ALG13: variants seen among roughly 807,000 people sequenced by gnomAD.
ALG13 encodes ALG13 UDP-N-acetylglucosaminyltransferase subunit, also known as UDP-N-acetylglucosamine transferase subunit ALG13.
In ALG13, 11 loss-of-function variants were observed where a neutral mutation model predicts 87.8. The observed-to-expected ratio is 0.13, with a 90% CI of 0.08 to 0.21. The LOEUF is 0.21. ALG13 is among the 10% of genes least tolerant of loss of function. The pLI is 1.00. For synonymous variants in ALG13, 320 were observed against 306.3 expected, an observed-to-expected ratio of 1.04 and a Z score of -0.47; for missense variants, 756 against 866.1, an observed-to-expected ratio of 0.87 and a Z score of 1.60.
At chrX:111,706,615 G>A (rs368653580) in intron 3 of ALG13, 1 of 110,781 alleles carries the variant, frequency 9.0e-6, no homozygotes, top group African/African-American at 3.3e-5. Flanking sequence ...AATTAGCTGG[G>A]TGTGGTGGTG....
chrX:111,718,345 A>AG, intron 10 of ALG13, 71 bp downstream of exon 10: 1 of 954,168 alleles, frequency 1.0e-6, no homozygotes, highest in Non-Finnish European at 1.4e-6. Context: ...TGAAAGTGGA[A>AG]GGGGCCTGGC....
At chrX:111,718,408 A>G in intron 10 of ALG13, 134 bp downstream of exon 10, 1 of 524,428 alleles carries the variant, frequency 1.9e-6, no homozygotes, top group Non-Finnish European at 2.9e-6. Flanking sequence ...TAGGATATAT[A>G]TTTTTAATGG....
chrX:111,759,999 A>C lies in ALG13; in HGVS notation c.3414A>C (p.Ter1138TyrextTer5), dbSNP rs201820102. Residue 1138 changes from the stop codon to tyrosine (Y), a stop_lost, in exon 27 of 27, where the codon TAA (stop) becomes TAC (tyrosine). Coordinates refer to ENST00000394780, the MANE Select transcript of ALG13 (RefSeq NM_001099922.3). ...CTCATTATGTACCTCAGGGTATGTA[A>C]GATCCAGCAGTATGAAGTATTCTTG... ...PASHYVPQGM[*>Y] 1,554 of 1,206,161 alleles carry C rather than the reference A, an allele frequency of 1.3e-3. 2 individuals are homozygous for C. Among genetic ancestry groups the C allele is most frequent in the Non-Finnish European group, 1.6e-3 (1,451 of 893,065 alleles).
intron 23 of ALG13, among the ~76,000 whole-genome samples, chrX:111,738,321 A>C (rs1943428047): frequency 8.9e-6 from 1 of 111,835 alleles, no homozygotes; most frequent in Non-Finnish European, 1.9e-5. Context: ...TTTTGGACTT[A>C]GGATTTTTTT....
chrX:111,730,092 T>A (rs1707729219), intron 19 of ALG13, among the ~76,000 whole-genome samples: 1 of 112,274 alleles, frequency 8.9e-6, no homozygotes, highest in Non-Finnish European at 1.9e-5. Context: ...AGAGCCTATG[T>A]GCTTAATCAC....
chrX:111,734,347 C>A (rs1025769325), intron 21 of ALG13: 4 of 112,375 alleles, frequency 3.6e-5, no homozygotes, highest in Non-Finnish European at 7.5e-5. Flanking sequence ...TGAGCCAGGG[C>A]AAATGTTTGC....
chrX:111,725,391 C>T (rs773814820), intron 15 of ALG13, among the ~76,000 whole-genome samples: 17 of 110,656 alleles, frequency 1.5e-4, no homozygotes, highest in African/African-American at 5.6e-4. Context: ...AACTTAAGCA[C>T]TCATATTTGA....
intron 25 of ALG13, among the ~76,000 whole-genome samples, chrX:111,753,576 G>A (rs887335073): frequency 1.9e-4 from 21 of 111,331 alleles, no homozygotes; most frequent in Non-Finnish European, 4.0e-4. Flanking sequence ...AAAGAGAGAA[G>A]AATCAAATAG....
intron 15 of ALG13, among the ~76,000 whole-genome samples, chrX:111,725,812 G>C (rs1325266982): frequency 1.8e-5 from 2 of 112,069 alleles, no homozygotes; most frequent in Non-Finnish European, 3.8e-5. Context: ...ATTTCTTAGA[G>C]ACCTGAGGGG....
rs1944100964 is a variant in ALG13 at position 111,744,885 on chromosome X, C to T, written c.2913C>T (p.Ser971=). The change falls in exon 24 of 27, where the codon AGC becomes AGT. Residue 971 remains serine, a synonymous_variant. Transcript: ENST00000394780. The part of the protein sequence containing the change: ...LPPPPYSCDP[S]GSDLPQDTKV... Reference sequence around the variant, plus strand: ...CTCCACCTTATTCCTGTGATCCAAGCGGCAGTGATTTGCCTCAAGGTAAGT... The same window carrying T: ...CTCCACCTTATTCCTGTGATCCAAGTGGCAGTGATTTGCCTCAAGGTAAGT... 3.3e-6 allele frequency: 4 copies of T among 1,204,762 alleles called. No homozygotes were observed. The African/African-American group carries it at 5.3e-5, about 16-fold the overall frequency.
At chrX:111,698,945 A>G (rs749484687) in intron 3 of ALG13, among the ~76,000 whole-genome samples, 124 of 111,767 alleles carry the variant, frequency 1.1e-3, no homozygotes, top group Non-Finnish European at 2.0e-3. Flanking sequence ...ACTGTTTTCT[A>G]TAATGGCTGT....
intron 3 of ALG13, 76 bp downstream of exon 3, chrX:111,685,179 C>G: frequency 9.6e-7 from 1 of 1,038,203 alleles, no homozygotes; most frequent in East Asian, 3.2e-5. Context: ...CCTACCTAAC[C>G]CATCTGTCTC....
At chrX:111,748,098 G>A (rs535195581) in intron 24 of ALG13, among the ~76,000 whole-genome samples, 2 of 112,086 alleles carry the variant, frequency 1.8e-5, no homozygotes, top group African/African-American at 6.5e-5. Flanking sequence ...TATATCTTTG[G>A]TGAAACATCT....
chrX:111,713,933 T>A (rs1940186244), intron 8 of ALG13, among the ~76,000 whole-genome samples: 1 of 112,058 alleles, frequency 8.9e-6, no homozygotes, highest in African/African-American at 3.2e-5. Flanking sequence ...AAAAGCCCTT[T>A]ATCCTGATTA....
chrX:111,734,975 T>C, intron 21 of ALG13, 76 bp from the exon 22 acceptor site: 1 of 703,844 alleles, frequency 1.4e-6, no homozygotes. Flanking sequence ...CACTTTCATA[T>C]AGTTTTAAAA....
At chrX:111,730,792 A>C (rs1440910470) in intron 21 of ALG13, among the ~76,000 whole-genome samples, 1 of 112,227 alleles carries the variant, frequency 8.9e-6, no homozygotes, top group Admixed American at 9.4e-5. Flanking sequence ...GATCTTTTAG[A>C]AGGTTTTATT....
chrX:111,694,025 A>G (rs1221087505), intron 3 of ALG13, among the ~76,000 whole-genome samples: 5 of 109,749 alleles, frequency 4.6e-5, no homozygotes, highest in Non-Finnish European at 7.6e-5. Flanking sequence ...CCCAGTTTTT[A>G]TTTTTATTTC....
chrX:111,689,165 T>G (rs1405426433), intron 3 of ALG13: 2 of 720,981 alleles, frequency 2.8e-6, no homozygotes, highest in Non-Finnish European at 1.6e-6. Context: ...GAAGCCAACT[T>G]GGATTAAAAT....
intron 6 of ALG13, among the ~76,000 whole-genome samples, chrX:111,712,063 C>T (rs1408139977): frequency 1.8e-5 from 2 of 111,735 alleles, no homozygotes; most frequent in African/African-American, 6.5e-5. Flanking sequence ...TTAAACAATT[C>T]CCCTGATTTG....
Sources: allele counts gnomAD v4.1 joint callset (sites outside exome capture counted in the v4.1 genomes callset), GRCh38; gene constraint gnomAD v4.1.1; transcripts MANE v1.5; gene names NCBI Gene and HGNC (gene_info 2026-07-23, HGNC 2026-07-21).